Variants in CPT1A observed in about 807,000 individuals in gnomAD.
CPT1A encodes carnitine palmitoyltransferase 1A.
CPT1A carries 64 observed loss-of-function variants against 100.8 expected under a neutral mutation model. The ratio of observed to expected loss-of-function variants is 0.63; its 90% confidence interval spans 0.52 to 0.78. CPT1A has a LOEUF of 0.78. Ranked by LOEUF, CPT1A falls within the 30% of genes least tolerant of loss-of-function variation. The pLI, the probability that CPT1A is intolerant of heterozygous loss-of-function variation, is 0.00. For missense variants in CPT1A, 802 were observed against 1,034.1 expected, an observed-to-expected ratio of 0.78 and a Z score of 3.08; for synonymous variants, 363 against 396.0, an observed-to-expected ratio of 0.92 and a Z score of 0.99.
intron 3 of CPT1A, among the ~76,000 whole-genome samples, chr11:68,810,360 C>T (rs1856168013): frequency 6.6e-6 from 1 of 152,176 alleles, no homozygotes; most frequent in Non-Finnish European, 1.5e-5. Context: ...TTCTGAGTGA[C>T]AGCAATGACA....
chr11:68,832,109 A>G (rs1856895990), intron 1 of CPT1A, among the ~76,000 whole-genome samples: 1 of 152,222 alleles, frequency 6.6e-6, no homozygotes, highest in Non-Finnish European at 1.5e-5. Context: ...AGATGTCAAG[A>G]AACTTGCCCA....
At chr11:68,761,377 G>A (rs775305774) in intron 16 of CPT1A, among the ~76,000 whole-genome samples, 158 bp downstream of exon 16, 12 of 151,214 alleles carry the variant, frequency 7.9e-5, no homozygotes, top group Non-Finnish European at 1.2e-4. Context: ...AGTACTAAAC[G>A]CGCTGCTCAC....
At chr11:68,778,876 C>T (rs1458912163) in intron 12 of CPT1A, among the ~76,000 whole-genome samples, 1 of 151,640 alleles carries the variant, frequency 6.6e-6, no homozygotes, top group Non-Finnish European at 1.5e-5. Flanking sequence ...AGCTCTGCCT[C>T]CCGGGTTCAC....
At position 68,755,117 on chromosome 11, in the gene CPT1A, T is replaced by A. The variant is rs1395363871; in HGVS notation, c.*2527A>T. 2.2e-6 allele frequency: 1 copy of A among 457,314 alleles called. No homozygotes were observed. Among genetic ancestry groups the A allele is most frequent in the Non-Finnish European group, 3.9e-6 (1 of 253,514 alleles). The allele number at this position is 457,314 out of a possible 1,614,324, so 28.3% of individuals were successfully genotyped here. On this transcript the variant is annotated 3_prime_UTR_variant, in exon 19 of 19. Transcript: ENST00000265641. ...GACCCCTCTTTCTCCCCTCAAGGAA[T>A]ATAAAATTGCATTGATAACTGCACT...
At chr11:68,820,643 C>T (rs1481832016) in intron 1 of CPT1A, among the ~76,000 whole-genome samples, 3 of 152,122 alleles carry the variant, frequency 2.0e-5, no homozygotes, top group African/African-American at 7.2e-5. Context: ...GATTGCACCA[C>T]TGCACTTCAG....
chr11:68,828,630 C>A (rs115315303), intron 1 of CPT1A, among the ~76,000 whole-genome samples: 1 of 152,226 alleles, frequency 6.6e-6, no homozygotes, highest in Non-Finnish European at 1.5e-5. Context: ...GCCAGGCCTG[C>A]GTCTGGATCC....
intron 7 of CPT1A, among the ~76,000 whole-genome samples, chr11:68,796,199 C>T (rs574064732): frequency 2.0e-5 from 3 of 152,276 alleles, no homozygotes; most frequent in African/African-American, 7.2e-5. Flanking sequence ...TGTCCCTGAG[C>T]TCTAGGGGTT....
intron 3 of CPT1A, among the ~76,000 whole-genome samples, chr11:68,811,439 G>A (rs540345192): frequency 8.5e-5 from 13 of 152,154 alleles, no homozygotes; most frequent in Non-Finnish European, 1.8e-4. Flanking sequence ...CAAGGGTCAC[G>A]GCTGCACGAG....
rs201706909 is a variant in CPT1A, at chr11:68,762,761, C to T, written c.1741G>A (p.Asp581Asn). The T allele has an allele frequency of 5.6e-6, 9 of 1,614,098 alleles. No individual in the cohort carries two copies. The highest frequency in any genetic ancestry group is 7.6e-6 in the Non-Finnish European group (9 of 1,180,028). Reference sequence around the variant, plus strand: ...TATGTGAGGCAAAACTTGCCCATGTCCTGGGGAAAGAGAAGTACTTCAGTG... The same window carrying T: ...TATGTGAGGCAAAACTTGCCCATGTTCTGGGGAAAGAGAAGTACTTCAGTG... Reference protein sequence around the residue: ...QLALQLAHYKDMGKFCLTYEA... With the variant: ...QLALQLAHYKNMGKFCLTYEA... The change falls in exon 15 of 19, where the codon GAC becomes AAC. Residue 581 changes from aspartate to asparagine, a missense_variant and splice_region_variant. Physicochemically the swap from Asp to Asn is conservative, Grantham distance 23. This residue lies in a region of CPT1A where 627 missense variants were observed against 799.3 expected (regional missense o/e 0.78). Coordinates refer to ENST00000265641, the MANE Select transcript of CPT1A (RefSeq NM_001876.4).
rs183452827 is a variant in CPT1A, at chr11:68,831,650, T to C, written c.-14+10125A>G. On this transcript the variant is annotated intron_variant, in intron 1 of 18. Transcript: ENST00000265641. ...TACAGCACATTCCTTTTTTTTTTTT[T>C]TGAGACGAAGTTTTGCTCCATCACC... is the stretch of plus-strand genomic sequence containing the variant. Among the ~76,000 whole-genome samples the C allele has an allele frequency of 5.7e-3, 864 of 151,874 alleles. 4 individuals are homozygous for C. The highest frequency in any genetic ancestry group is 0.01 in the Non-Finnish European group (687 of 67,930).
chr11:68,791,046 A>T (rs1855599652), intron 9 of CPT1A, among the ~76,000 whole-genome samples: 1 of 152,018 alleles, frequency 6.6e-6, no homozygotes, highest in Non-Finnish European at 1.5e-5. Flanking sequence ...CTGGTGTCGA[A>T]CTCCTGACCT....
At chr11:68,827,096 G>T (rs1856752955) in intron 1 of CPT1A, among the ~76,000 whole-genome samples, 1 of 152,178 alleles carries the variant, frequency 6.6e-6, no homozygotes, top group Non-Finnish European at 1.5e-5. Context: ...AACTTTGGGA[G>T]GCCAAGGCGG....
intron 10 of CPT1A, among the ~76,000 whole-genome samples, chr11:68,782,664 C>T (rs1555228777): frequency 1.3e-5 from 2 of 152,222 alleles, no homozygotes; most frequent in Non-Finnish European, 2.9e-5. Context: ...GTCCCTCTCA[C>T]TCCAGCTCCT....
chr11:68,812,767 C>A (rs2154001183), intron 2 of CPT1A, among the ~76,000 whole-genome samples, 191 bp from the exon 3 acceptor site: 1 of 152,304 alleles, frequency 6.6e-6, no homozygotes, highest in Non-Finnish European at 1.5e-5. Flanking sequence ...TGCAGTGATT[C>A]CAGTTTCCTC....
Position 68,812,513 on chromosome 11 carries a change from C to T in CPT1A, c.205G>A (p.Val69Met), listed in dbSNP as rs370397466. 2 of 1,614,196 alleles carry T rather than the reference C, an allele frequency of 1.2e-6. No homozygotes were observed. The highest frequency in any genetic ancestry group is 1.7e-6 in the Non-Finnish European group (2 of 1,180,032). The change falls in exon 3 of 19, where the codon GTG becomes ATG. Residue 69 changes from valine to methionine, a missense_variant. Physicochemically the swap from Val to Met is conservative, Grantham distance 21. Around this residue, in one of 4 missense-constraint regions of CPT1A, gnomAD observed 161 missense variants for 183.7 expected, o/e 0.88. Coordinates refer to ENST00000265641, the MANE Select transcript of CPT1A (RefSeq NM_001876.4). ...ATCTTGGCGTACATCGTTGTCATCA[C>T]GCCCACCACCACGATAAGCCAACTG... ...PSSWLIVVVGVMTTMYAKIDP... is the reference protein window; with the variant it reads ...PSSWLIVVVGMMTTMYAKIDP...
chr11:68,790,683 A>T (rs1036083507), intron 9 of CPT1A, among the ~76,000 whole-genome samples: 4 of 152,208 alleles, frequency 2.6e-5, no homozygotes, highest in Non-Finnish European at 5.9e-5. Context: ...TTGTCTTAAG[A>T]CATCCAGTTT....
intron 1 of CPT1A, among the ~76,000 whole-genome samples, chr11:68,816,216 C>A (rs11228364): frequency 2.0e-5 from 3 of 152,162 alleles, no homozygotes; most frequent in Non-Finnish European, 4.4e-5. Flanking sequence ...GAACTTCGAG[C>A]GCAGATCAAT....
At chr11:68,761,886 C>T (rs182661860) in intron 15 of CPT1A, among the ~76,000 whole-genome samples, 199 bp from the exon 16 acceptor site, 1 of 152,264 alleles carries the variant, frequency 6.6e-6, no homozygotes, top group Non-Finnish European at 1.5e-5. Context: ...ACTGGGATTA[C>T]AGGCGTGAGT....
In CPT1A at chr11:68,815,424, G is replaced by A. The variant is rs750719349; in HGVS notation, c.51C>T (p.Asp17=). The A allele has an allele frequency of 1.4e-5, 22 of 1,613,962 alleles. No homozygotes were observed. Among genetic ancestry groups the A allele is most frequent in the Admixed American group, 6.7e-5 (4 of 59,982 alleles). Residue 17 remains aspartate, a synonymous_variant, in exon 2 of 19, where the codon GAC becomes GAT. Coordinates refer to ENST00000265641, the MANE Select transcript of CPT1A (RefSeq NM_001876.4). ...AVAFQFTVTP[D]GIDLRLSHEA... ...CATGGCTCAGCCGCAGGTCAATCCC[G>A]TCCGGAGTGACCGTGAACTGAAAGG...
Sources: gnomAD v4.1 joint callset for allele counts (sites outside exome capture counted in the v4.1 genomes callset) on GRCh38, gnomAD v4.1.1 for gene constraint, gnomAD v4.1.1 regional missense constraint, MANE v1.5 for transcripts, NCBI Gene and HGNC (gene_info 2026-07-23, HGNC 2026-07-21) for gene names.